Variants in CNKSR2 observed in about 807,000 individuals in gnomAD.
The protein encoded by CNKSR2 is CNK homolog protein 2.
CNKSR2 carries 14 observed loss-of-function variants against 84.4 expected under a neutral mutation model. The ratio of observed to expected loss-of-function variants is 0.17; its 90% CI spans 0.11 to 0.26. CNKSR2 has a LOEUF of 0.26. Among genes scored for constraint, CNKSR2 ranks in the 10% least tolerant of loss-of-function variants. The pLI, the probability that CNKSR2 is intolerant of heterozygous loss-of-function variation, is 1.00. For missense variants in CNKSR2, 485 were observed against 771.2 expected (o/e 0.63, Z 4.40); for synonymous variants, 275 against 277.9 (o/e 0.99, Z 0.10).
At chrX:21,545,475 G>A (rs780987618) in intron 11 of CNKSR2, among the ~76,000 whole-genome samples, 1 of 112,167 alleles carries the variant, frequency 8.9e-6, no homozygotes, top group Admixed American at 9.3e-5. Flanking sequence ...TGGGGGAAGG[G>A]GTGGCTGTGG....
intron 4 of CNKSR2, among the ~76,000 whole-genome samples, chrX:21,441,764 T>C (rs1394682304): frequency 8.9e-6 from 1 of 111,768 alleles, no homozygotes; most frequent in Non-Finnish European, 1.9e-5. Flanking sequence ...CCAATTTGAA[T>C]AAGCAAGGTG....
In CNKSR2 at chrX:21,411,520, G is replaced by C. The variant is rs766176457; in HGVS notation, c.65-14977G>C. Among the ~76,000 whole-genome samples, 4 of 111,510 alleles carry C rather than the reference G, an allele frequency of 3.6e-5. No homozygotes were observed. In the East Asian group the frequency reaches 1.1e-3, roughly 32 times the overall value. ...AAACCAGAGAAGAGTTTTTCAGAAC[G>C]TGAGTCTGAACACAGCCTTCAGTCA... On this transcript the variant is annotated intron_variant, in intron 1 of 21. Coordinates refer to ENST00000379510, the MANE Select transcript of CNKSR2 (RefSeq NM_014927.5).
rs1469769529 is a variant in CNKSR2 at position 21,539,283 on chromosome X, A to G, written c.1303+7216A>G. 2.7e-5 allele frequency among the ~76,000 whole-genome samples: 3 copies of G among 111,481 alleles called. No individual in the cohort carries two copies. In the East Asian group the frequency reaches 8.5e-4, roughly 32 times the overall value. On this transcript the variant is annotated intron_variant, in intron 11 of 21. Coordinates refer to ENST00000379510, the MANE Select transcript of CNKSR2 (RefSeq NM_014927.5). ...TTCCTTCTTAAGCTTGATCTAGTCT[A>G]TTGTTGAAGTTCTCAGTTGTATGTT...
At chrX:21,561,972 G>T (rs1204026148) in intron 12 of CNKSR2, among the ~76,000 whole-genome samples, 1 of 108,970 alleles carries the variant, frequency 9.2e-6, no homozygotes, top group Non-Finnish European at 1.9e-5. Flanking sequence ...AAGCACATGG[G>T]TTAAAAGCTA....
chrX:21,450,244 A>G (rs1027630075), intron 4 of CNKSR2, among the ~76,000 whole-genome samples: 3 of 111,687 alleles, frequency 2.7e-5, no homozygotes, highest in Non-Finnish European at 5.6e-5. Context: ...GTACTAGGAA[A>G]CTTAAACAGA....
chrX:21,593,187 A>G (rs953475146), intron 15 of CNKSR2: 1 of 111,917 alleles, frequency 8.9e-6, no homozygotes, highest in African/African-American at 3.2e-5. Context: ...TATTTACATT[A>G]TGAATGTCAA....
chrX:21,418,721 A>G, intron 1 of CNKSR2, among the ~76,000 whole-genome samples: 1 of 111,309 alleles, frequency 9.0e-6, no homozygotes, highest in East Asian at 2.9e-4. Context: ...AGGATCCTTT[A>G]TCCTTGACTT....
chrX:21,478,904 C>T (rs1423519290), intron 5 of CNKSR2, among the ~76,000 whole-genome samples: 1 of 111,598 alleles, frequency 9.0e-6, no homozygotes, highest in Non-Finnish European at 1.9e-5. Flanking sequence ...TGACCAAGGA[C>T]ACTATATATT....
intron 1 of CNKSR2, among the ~76,000 whole-genome samples, chrX:21,402,974 A>G (rs1252091381): frequency 6.3e-5 from 7 of 111,367 alleles, no homozygotes; most frequent in Non-Finnish European, 1.3e-4. Flanking sequence ...ATCTCAGATC[A>G]TTGGGGAAAA....
intron 7 of CNKSR2, among the ~76,000 whole-genome samples, chrX:21,498,136 C>T (rs1569206753): frequency 9.0e-6 from 1 of 111,627 alleles, no homozygotes; most frequent in Non-Finnish European, 1.9e-5. Context: ...GAATTCATTT[C>T]CATCTGTCAA....
At position 21,611,202 on chromosome X, in the gene CNKSR2, A is replaced by C. The variant is rs778865943; in HGVS notation, c.2692+1585A>C. Among the ~76,000 whole-genome samples, 3 of 112,536 alleles carry C rather than the reference A, an allele frequency of 2.7e-5. No individual in the cohort carries two copies. In the South Asian group the frequency reaches 1.1e-3, roughly 41 times the overall value. ...TACTAAAATTAATAAATTGTCTTCT[A>C]AAATTTAAAGATGAGTTAGAAACTT... On this transcript the variant is annotated intron_variant, in intron 20 of 21. Transcript: ENST00000379510.
Position 21,457,742 on chromosome X carries a change from G to C in CNKSR2, c.520-13024G>C, listed in dbSNP as rs144621931. Among the ~76,000 whole-genome samples the C allele has an allele frequency of 3.6e-3, 400 of 111,772 alleles. 1 individual carries two copies. Among genetic ancestry groups the C allele is most frequent in the African/African-American group, 5.8e-3 (179 of 30,855 alleles). On this transcript the variant is annotated intron_variant, in intron 4 of 21. Transcript: ENST00000379510. ...TACAGAATTATGGAATCAGGGCCTTGTTCACTTGGAAGGAAACTTAGGAGT... is the reference window on the plus strand; with the variant it reads ...TACAGAATTATGGAATCAGGGCCTTCTTCACTTGGAAGGAAACTTAGGAGT...
chrX:21,408,743 A>G (rs978968290), intron 1 of CNKSR2, among the ~76,000 whole-genome samples: 11 of 110,766 alleles, frequency 9.9e-5, no homozygotes, highest in African/African-American at 3.0e-4. Context: ...AGGACCTTCA[A>G]TTACATATCA....
intron 5 of CNKSR2, among the ~76,000 whole-genome samples, chrX:21,487,761 G>A (rs1025667231): frequency 9.8e-5 from 11 of 112,452 alleles, no homozygotes; most frequent in African/African-American, 3.6e-4. Flanking sequence ...CTGCCATTCT[G>A]TCCTTTCTCC....
intron 1 of CNKSR2, among the ~76,000 whole-genome samples, chrX:21,378,297 T>C (rs760896166): frequency 4.5e-5 from 5 of 112,090 alleles, no homozygotes; most frequent in Non-Finnish European, 9.4e-5. Flanking sequence ...ACTGACCTTC[T>C]TCAATTGGAA....
intron 19 of CNKSR2, among the ~76,000 whole-genome samples, chrX:21,608,764 T>A (rs2147282384): frequency 8.9e-6 from 1 of 112,338 alleles, no homozygotes; most frequent in Non-Finnish European, 1.9e-5. Flanking sequence ...AGTGAAATTT[T>A]TGTAGTTGCT....
intron 4 of CNKSR2, among the ~76,000 whole-genome samples, chrX:21,442,201 C>T (rs1029206474): frequency 2.7e-5 from 3 of 109,122 alleles, no homozygotes; most frequent in Non-Finnish European, 5.7e-5. Context: ...AAGAGATTTC[C>T]GCCCCCCTCC....
At chrX:21,382,666 A>G (rs1392894725) in intron 1 of CNKSR2, among the ~76,000 whole-genome samples, 1 of 111,452 alleles carries the variant, frequency 9.0e-6, no homozygotes, top group African/African-American at 3.3e-5. Context: ...GATAAAATGG[A>G]AAAACAACCC....
At chrX:21,377,228 TATTCATATATATTTG>T (rs1490638897) in intron 1 of CNKSR2, among the ~76,000 whole-genome samples, 1 of 111,885 alleles carries the variant, frequency 8.9e-6, no homozygotes, top group Non-Finnish European at 1.9e-5. Flanking sequence ...ATTTCCTTAA[TATTCATATATATTTG>T]ATTTGAGATA....
Sources: gnomAD v4.1 joint callset for allele counts (sites outside exome capture counted in the v4.1 genomes callset) on GRCh38, gnomAD v4.1.1 for gene constraint, MANE v1.5 for transcripts, NCBI Gene and HGNC (gene_info 2026-07-23, HGNC 2026-07-21) for gene names.